Variants in TMOD1 observed in about 807,000 individuals in gnomAD.
The protein encoded by TMOD1 is tropomodulin-1.
A neutral mutation model predicts 40.6 loss-of-function variants in TMOD1; 17 were observed. That is an observed-to-expected ratio of 0.42 (90% CI 0.29 to 0.63). The LOEUF (loss-of-function observed/expected upper bound fraction) is 0.63. TMOD1 is among the 20% of genes least tolerant of loss of function. The probability of loss-of-function intolerance (pLI) is 0.22; values close to 1 mark genes in which losing one functional copy is unlikely to be tolerated. For missense variants in TMOD1, 391 were observed against 447.6 expected (o/e 0.87, Z 1.14); for synonymous variants, 181 against 175.0 (o/e 1.03, Z -0.27).
chr9:97,576,837 C>T (rs1312030995), intron 8 of TMOD1, among the ~76,000 whole-genome samples: 4 of 151,842 alleles, frequency 2.6e-5, no homozygotes, highest in Non-Finnish European at 5.9e-5. Flanking sequence ...GACCGGGTTT[C>T]ACCATGTTAG....
intron 1 of TMOD1, among the ~76,000 whole-genome samples, chr9:97,522,446 T>C (rs904791630): frequency 6.6e-5 from 10 of 152,218 alleles, no homozygotes; most frequent in African/African-American, 2.4e-4. Flanking sequence ...TAACTACTTA[T>C]ATCTGCAATG....
intron 2 of TMOD1, among the ~76,000 whole-genome samples, chr9:97,538,342 A>G (rs1830218010): frequency 6.6e-6 from 1 of 152,214 alleles, no homozygotes; most frequent in African/African-American, 2.4e-5. Flanking sequence ...ATTCCTATAT[A>G]CAAATCTCAC....
intron 2 of TMOD1, among the ~76,000 whole-genome samples, chr9:97,538,148 G>A (rs1404182213): frequency 2.0e-5 from 3 of 152,074 alleles, no homozygotes; most frequent in African/African-American, 4.8e-5. Flanking sequence ...ACACTCCCAC[G>A]TAACTCACAG....
intron 3 of TMOD1, among the ~76,000 whole-genome samples, chr9:97,549,465 T>C (rs2131250868): frequency 6.6e-6 from 1 of 152,342 alleles, no homozygotes; most frequent in African/African-American, 2.4e-5. Flanking sequence ...TAAATATTTA[T>C]TGAATATTCA....
At position 97,546,134 on chromosome 9, in the gene TMOD1, T is replaced by TTC. The variant is rs750370680; in HGVS notation, c.121-39_121-38dup. 9 of 1,539,130 alleles carry TTC rather than the reference T, an allele frequency of 5.8e-6. No individual in the cohort carries two copies. The African/African-American group carries it at 8.3e-5, about 14-fold the overall frequency. ...TCTTCAGCAGCTGACCACTCTCTCT[T>TTC]TCTCTCTCTCTCTTTCTCTCTCTCC... On this transcript the variant is annotated intron_variant, in intron 2 of 9. Transcript: ENST00000259365.
intron 8 of TMOD1, among the ~76,000 whole-genome samples, chr9:97,583,516 A>C (rs1825803310): frequency 6.6e-6 from 1 of 150,884 alleles, no homozygotes; most frequent in South Asian, 2.1e-4. Context: ...CTGGCCTCAT[A>C]AAATGAGTTA....
At chr9:97,537,166 T>C (rs995868050) in intron 2 of TMOD1, among the ~76,000 whole-genome samples, 4 of 152,226 alleles carry the variant, frequency 2.6e-5, no homozygotes, top group Admixed American at 1.3e-4. Flanking sequence ...AAAAAAATCA[T>C]TGGTCTAGAG....
At position 97,546,165 on chromosome 9, in the gene TMOD1, C is replaced by G; in HGVS notation, c.121-20C>G. 6.3e-7 allele frequency: 1 copy of G among 1,594,394 alleles called. No individual in the cohort carries two copies. Among genetic ancestry groups the G allele is most frequent in the Middle Eastern group, 1.7e-4 (1 of 5,910 alleles). ...CTCTCTCTTTCTCTCTCTCCTGCCCCCCCACAACCTCCAATGTAGAATGCA... is the reference window on the plus strand; with the variant it reads ...CTCTCTCTTTCTCTCTCTCCTGCCCGCCCACAACCTCCAATGTAGAATGCA... On this transcript the variant is annotated intron_variant, in intron 2 of 9. Transcript: ENST00000259365.
chr9:97,524,326 G>T lies in TMOD1; in HGVS notation c.120+18G>T. ...ACCCTGATGTGAGTAGGTGCTAAAG[G>T]GAAGCACATTGTCACTAGCGAGGGG... is the stretch of plus-strand genomic sequence containing the variant. On this transcript the variant is annotated intron_variant, in intron 2 of 9. Coordinates refer to ENST00000259365, the MANE Select transcript of TMOD1 (RefSeq NM_003275.4). 6.2e-7 allele frequency: 1 copy of T among 1,611,576 alleles called. No individual in the cohort carries two copies. Among genetic ancestry groups the T allele is most frequent in the Non-Finnish European group, 8.5e-7 (1 of 1,179,052 alleles).
At chr9:97,585,437 A>G (rs1825849630) in intron 8 of TMOD1, among the ~76,000 whole-genome samples, 1 of 150,356 alleles carries the variant, frequency 6.7e-6, no homozygotes, top group Non-Finnish European at 1.5e-5. Context: ...TGCCCTTAAC[A>G]TTTTTTCCTT....
chr9:97,519,090 T>C (rs142991116), intron 1 of TMOD1, among the ~76,000 whole-genome samples: 1 of 152,340 alleles, frequency 6.6e-6, no homozygotes, highest in East Asian at 1.9e-4. Context: ...CGTAAGTGCC[T>C]CCTCTGGAGT....
intron 2 of TMOD1, among the ~76,000 whole-genome samples, chr9:97,529,879 G>C (rs1830072625): frequency 1.3e-5 from 2 of 152,234 alleles, no homozygotes; most frequent in Non-Finnish European, 2.9e-5. Flanking sequence ...TCCTGGGTGT[G>C]CCATAAGCAA....
chr9:97,564,571 G>A (rs572837523), intron 6 of TMOD1, among the ~76,000 whole-genome samples: 1 of 152,342 alleles, frequency 6.6e-6, no homozygotes, highest in African/African-American at 2.4e-5. Context: ...GGGTAACACA[G>A]GCCCTGGGCA....
At chr9:97,574,583 C>G in intron 8 of TMOD1, among the ~76,000 whole-genome samples, 1 of 152,390 alleles carries the variant, frequency 6.6e-6, no homozygotes, top group East Asian at 1.9e-4. Context: ...GACTGGCAGG[C>G]AGCTCCACCT....
At chr9:97,553,137 T>G in intron 3 of TMOD1, 144 bp from the exon 4 acceptor site, 1 of 1,088,494 alleles carries the variant, frequency 9.2e-7, no homozygotes, top group Non-Finnish European at 1.3e-6. Context: ...TTTGGAGAAG[T>G]TGGTCCCCAG....
At chr9:97,511,848 G>A (rs2131209550) in intron 1 of TMOD1, among the ~76,000 whole-genome samples, 1 of 107,312 alleles carries the variant, frequency 9.3e-6, no homozygotes, top group South Asian at 3.2e-4. Flanking sequence ...GCCTCCCAAA[G>A]TGCTGGGATT....
chr9:97,589,754 G>A (rs944951912), intron 8 of TMOD1, among the ~76,000 whole-genome samples: 6 of 152,086 alleles, frequency 3.9e-5, no homozygotes, highest in Admixed American at 6.5e-5. Flanking sequence ...ATGTTGGTGA[G>A]AGCAAACATC....
intron 8 of TMOD1, among the ~76,000 whole-genome samples, chr9:97,581,099 T>C (rs1825741777): frequency 6.7e-6 from 1 of 148,686 alleles, no homozygotes; most frequent in Non-Finnish European, 1.5e-5. Context: ...ACCCACTAAC[T>C]CGTCATCTAG....
At position 97,538,417 on chromosome 9, in the gene TMOD1, A is replaced by AT. The variant is rs200065639; in HGVS notation, c.121-7766dup. 8.9e-4 allele frequency among the ~76,000 whole-genome samples: 135 copies of AT among 152,218 alleles called. 2 individuals carry two copies. The East Asian group carries it at 0.025, about 29-fold the overall frequency. On this transcript the variant is annotated intron_variant, in intron 2 of 9. Coordinates refer to ENST00000259365, the MANE Select transcript of TMOD1 (RefSeq NM_003275.4). ...ATGTGACTTTCAGTGCCTCTCATGA[A>AT]TTGACGGCTGCTTTGGTGGAGTCAG...
Sources: gnomAD v4.1 joint callset for allele counts (sites outside exome capture counted in the v4.1 genomes callset) on GRCh38, gnomAD v4.1.1 for gene constraint, MANE v1.5 for transcripts, NCBI Gene and HGNC (gene_info 2026-07-23, HGNC 2026-07-21) for gene names.